Variants in SLC25A30 observed in about 807,000 individuals in gnomAD.
SLC25A30 encodes solute carrier family 25 member 30, also known as kidney mitochondrial carrier protein 1.
A neutral mutation model predicts 42.7 loss-of-function variants in SLC25A30; 29 were observed. The ratio of observed to expected loss-of-function variants is 0.68; its 90% CI spans 0.51 to 0.93. The LOEUF is 0.93. Ranked by LOEUF, SLC25A30 falls within the 40% of genes least tolerant of loss-of-function variation. The pLI, the probability that SLC25A30 is intolerant of heterozygous loss-of-function variation, is 0.00. For synonymous variants in SLC25A30, 124 were observed against 131.0 expected, an observed-to-expected ratio of 0.95 and a Z score of 0.37; for missense variants, 300 against 359.7, an observed-to-expected ratio of 0.83 and a Z score of 1.34.
At chr13:45,401,290 A>G in intron 6 of SLC25A30, 83 bp from the exon 7 acceptor site, 1 of 1,386,622 alleles carries the variant, frequency 7.2e-7, no homozygotes, top group Admixed American at 1.9e-5. Context: ...GTTCTAATCC[A>G]TAAACTATGA....
the SLC25A30 span, among the ~76,000 whole-genome samples, chr13:45,426,064 A>G: frequency 1.4e-5 from 2 of 148,120 alleles, no homozygotes; most frequent in Non-Finnish European, 1.5e-5. Context: ...TTTTAAATAT[A>G]TATATACATT....
At chr13:45,398,740 C>T in intron 8 of SLC25A30, 200 bp downstream of exon 8, 1 of 450,696 alleles carries the variant, frequency 2.2e-6, no homozygotes. Flanking sequence ...TCACCTTTCA[C>T]AGCAGATGGA....
chr13:45,420,551 C>T (rs962319849), upstream of SLC25A30, among the ~76,000 whole-genome samples: 3 of 152,166 alleles, frequency 2.0e-5, no homozygotes, highest in Non-Finnish European at 4.4e-5. Context: ...CACTGGATTC[C>T]TCCCTTTCCT....
rs373778087 is a variant in SLC25A30, at chr13:45,408,929, C to T, written c.210G>A (p.Ser70=). 5.4e-5 allele frequency: 86 copies of T among 1,607,074 alleles called. No homozygotes were observed. The African/African-American group carries it at 9.4e-4, about 18-fold the overall frequency. Residue 70 remains serine, a splice_region_variant and synonymous_variant, in exon 3 of 10, where the codon TCG becomes TCA. Transcript: ENST00000519676. ...GREEGLKALY[S]GIAPAMLRQA... ...GAAATGCATGAAGGCCTACTCACCCCGAGTAGAGTGCTTTCAGCCCTTCTT... is the reference window on the plus strand; with the variant it reads ...GAAATGCATGAAGGCCTACTCACCCTGAGTAGAGTGCTTTCAGCCCTTCTT...
At chr13:45,422,497 A>G (rs547567713), upstream of SLC25A30, among the ~76,000 whole-genome samples, 5 of 152,216 alleles carry the variant, frequency 3.3e-5, no homozygotes, top group African/African-American at 9.6e-5. Flanking sequence ...TTATCATTAT[A>G]TTTTATTGCA....
intron 3 of SLC25A30, among the ~76,000 whole-genome samples, chr13:45,406,536 C>T (rs1188994452): frequency 6.6e-6 from 1 of 152,164 alleles, no homozygotes; most frequent in African/African-American, 2.4e-5. Flanking sequence ...GCCTACTTTC[C>T]TCCATCCGAT....
Position 45,393,978 on chromosome 13 carries a change from A to T in SLC25A30, c.*1996T>A. 1.0e-6 allele frequency: 1 copy of T among 984,676 alleles called. No homozygotes were observed. The highest frequency in any genetic ancestry group is 1.2e-6 in the Non-Finnish European group (1 of 829,206). The allele number at this position is 984,676 out of a possible 1,614,324, so 61.0% of individuals were successfully genotyped here. ...AAATTGTATGCATATTTGAAAAAGT[A>T]AAATTTTTCTACATTAAAAAAAGAG... On this transcript the variant is annotated 3_prime_UTR_variant, in exon 10 of 10. Coordinates refer to ENST00000519676, the MANE Select transcript of SLC25A30 (RefSeq NM_001010875.4).
Position 45,394,006 on chromosome 13 carries a change from T to C in SLC25A30, c.*1968A>G. ...ATTTTTCTACATTAAAAAAAGAGCA[T>C]TTCAAGAAAAGCAATCTTTAAACTC... On this transcript the variant is annotated 3_prime_UTR_variant, in exon 10 of 10. Coordinates refer to ENST00000519676, the MANE Select transcript of SLC25A30 (RefSeq NM_001010875.4). 1 of 984,982 alleles carries C rather than the reference T, an allele frequency of 1.0e-6. No homozygotes were observed. Among genetic ancestry groups the C allele is most frequent in the Non-Finnish European group, 1.2e-6 (1 of 829,588 alleles). The allele number at this position is 984,982 out of a possible 1,614,324, so 61.0% of individuals were successfully genotyped here.
intron 9 of SLC25A30, 109 bp downstream of exon 9, chr13:45,397,148 CA>C: frequency 1.3e-6 from 1 of 799,118 alleles, no homozygotes. Context: ...CAGAGGAACT[CA>C]AAATAATCAG....
At chr13:45,428,497 A>G in the SLC25A30 span, among the ~76,000 whole-genome samples, 1 of 141,968 alleles carries the variant, frequency 7.0e-6, no homozygotes, top group Non-Finnish European at 1.5e-5. Flanking sequence ...ATGAGCCACC[A>G]AGCCCAGCCT....
At chr13:45,402,208 G>T in intron 6 of SLC25A30, 67 bp downstream of exon 6, 1 of 1,244,626 alleles carries the variant, frequency 8.0e-7, no homozygotes. Context: ...TTAAGTGATA[G>T]AACAAGTAAA....
chr13:45,394,689 T>C lies in SLC25A30; in HGVS notation c.*1285A>G, dbSNP rs1383833508. 1 of 982,486 alleles carries C rather than the reference T, an allele frequency of 1.0e-6. No homozygotes were observed. The highest frequency in any genetic ancestry group is 1.8e-5 in the African/African-American group (1 of 56,424). 60.9% of individuals were successfully genotyped at this position (982,486 alleles called of 1,614,324 possible). On this transcript the variant is annotated 3_prime_UTR_variant, in exon 10 of 10. Transcript: ENST00000519676. ...CAGGTTAGAGTAAAGAATAAGAAAA[T>C]AGAAAAAGAAAAAAAGAAGAGGGAG... is the stretch of plus-strand genomic sequence containing the variant.
the SLC25A30 span, among the ~76,000 whole-genome samples, chr13:45,423,831 T>A: frequency 1.8e-5 from 1 of 56,878 alleles, no homozygotes; most frequent in African/African-American, 9.7e-5. Flanking sequence ...AATATATATT[T>A]ATATATATAA....
chr13:45,433,321 A>G, the SLC25A30 span, among the ~76,000 whole-genome samples: 1,263 of 152,292 alleles, frequency 8.3e-3, 14 homozygotes, highest in African/African-American at 0.028. Flanking sequence ...AAGGGTACTA[A>G]ACAGGTGGCT....
chr13:45,413,963 C>T (rs968644210), intron 1 of SLC25A30, among the ~76,000 whole-genome samples: 11 of 152,162 alleles, frequency 7.2e-5, no homozygotes, highest in African/African-American at 2.4e-4. Flanking sequence ...TACTAATATG[C>T]AAATACTTAA....
At chr13:45,425,689 T>C in the SLC25A30 span, among the ~76,000 whole-genome samples, 1 of 133,182 alleles carries the variant, frequency 7.5e-6, no homozygotes, top group Non-Finnish European at 1.6e-5. Context: ...TATAAATATA[T>C]ATACACACAT....
At chr13:45,422,077 C>T (rs1234406913), upstream of SLC25A30, among the ~76,000 whole-genome samples, 1 of 152,164 alleles carries the variant, frequency 6.6e-6, no homozygotes, top group Non-Finnish European at 1.5e-5. Context: ...GCAGCAGGAA[C>T]CATTTTTTAC....
rs1881089801 is a variant in SLC25A30 at position 45,393,331 on chromosome 13, A to G, written c.*2643T>C. The stretch of plus-strand genomic sequence containing the variant: ...CCAGAAATCATTTTTATTATTATAT[A>G]TTACTCCAGTTTATTAAATAAATGA... On this transcript the variant is annotated 3_prime_UTR_variant, in exon 10 of 10. Transcript: ENST00000519676. 1.0e-6 allele frequency: 1 copy of G among 962,294 alleles called. No individual in the cohort carries two copies. The highest frequency in any genetic ancestry group is 1.2e-6 in the Non-Finnish European group (1 of 808,906). 59.6% of individuals were successfully genotyped at this position (962,294 alleles called of 1,614,324 possible).
intron 4 of SLC25A30, 112 bp downstream of exon 4, chr13:45,405,771 T>C: frequency 1.1e-6 from 1 of 885,904 alleles, no homozygotes; most frequent in Non-Finnish European, 1.8e-6. Context: ...AGAGTTCTTG[T>C]AGCAGTAGGA....
Sources: gnomAD v4.1 joint callset for allele counts (sites outside exome capture counted in the v4.1 genomes callset) on GRCh38, gnomAD v4.1.1 for gene constraint, MANE v1.5 for transcripts, NCBI Gene and HGNC (gene_info 2026-07-23, HGNC 2026-07-21) for gene names.